Variants in CA10 observed in about 807,000 individuals in gnomAD.
The protein encoded by CA10 is carbonic anhydrase 10 (inactive).
In CA10, 14 loss-of-function variants were observed where a neutral mutation model predicts 44.2. The ratio of observed to expected loss-of-function variants is 0.32; its 90% confidence interval spans 0.21 to 0.50. CA10 has a LOEUF of 0.50. Among genes scored for constraint, CA10 ranks in the 20% least tolerant of loss-of-function variants. The pLI is 0.99. For missense variants in CA10, 350 were observed against 409.7 expected (o/e 0.85, Z 1.26); for synonymous variants, 159 against 141.6 (o/e 1.12, Z -0.87).
chr17:51,944,561 C>T (rs555070347), intron 2 of CA10, among the ~76,000 whole-genome samples: 112 of 152,116 alleles, frequency 7.4e-4, no homozygotes, highest in Non-Finnish European at 1.3e-3. Flanking sequence ...AATAGGGGAA[C>T]GGTTTAGTAA....
intron 2 of CA10, among the ~76,000 whole-genome samples, chr17:51,945,872 T>G (rs1983254551): frequency 6.6e-6 from 1 of 151,990 alleles, no homozygotes; most frequent in Non-Finnish European, 1.5e-5. Context: ...GTACTTACGA[T>G]CAGATATAAA....
intron 3 of CA10, among the ~76,000 whole-genome samples, chr17:51,773,954 C>A (rs1009881034): frequency 6.6e-6 from 1 of 152,176 alleles, no homozygotes; most frequent in African/African-American, 2.4e-5. Flanking sequence ...GAAACACACA[C>A]CTGTATTATT....
At chr17:51,928,879 T>C (rs1047602768) in intron 3 of CA10, among the ~76,000 whole-genome samples, 6 of 152,168 alleles carry the variant, frequency 3.9e-5, no homozygotes. Context: ...CATTACCAAT[T>C]AGTTTATCAC....
intron 2 of CA10, among the ~76,000 whole-genome samples, chr17:52,000,505 G>C (rs1985385516): frequency 6.6e-6 from 1 of 152,010 alleles, no homozygotes; most frequent in African/African-American, 2.4e-5. Flanking sequence ...CTTTACTTTT[G>C]TATGTCTCTT....
chr17:51,778,878 G>A (rs1905932361), intron 3 of CA10, among the ~76,000 whole-genome samples: 1 of 152,184 alleles, frequency 6.6e-6, no homozygotes, highest in African/African-American at 2.4e-5. Context: ...AAACTGCTGA[G>A]GAAATAGAAA....
At chr17:52,013,209 G>T (rs1158775562) in intron 2 of CA10, among the ~76,000 whole-genome samples, 1 of 151,804 alleles carries the variant, frequency 6.6e-6, no homozygotes. Context: ...AGAAACAACA[G>T]GAGGAAATAA....
At chr17:52,143,755 C>A (rs1187159075) in intron 1 of CA10, among the ~76,000 whole-genome samples, 2 of 152,050 alleles carry the variant, frequency 1.3e-5, no homozygotes, top group African/African-American at 4.8e-5. Context: ...CACAGCAGGC[C>A]ATTAATCTCT....
At chr17:51,947,224 CA>C (rs1198796736) in intron 2 of CA10, among the ~76,000 whole-genome samples, 1,507 of 52,122 alleles carry the variant, frequency 0.029, 6 homozygotes, top group African/African-American at 0.098. Context: ...TCTTCATGTG[CA>C]AAAAAAAAAA....
At chr17:51,909,091 T>C (rs190755466) in intron 3 of CA10, among the ~76,000 whole-genome samples, 1 of 152,270 alleles carries the variant, frequency 6.6e-6, no homozygotes, top group African/African-American at 2.4e-5. Flanking sequence ...CACATGATAT[T>C]TCAAAGCAGC....
In CA10 at chr17:51,925,408, G is replaced by T. The variant is rs572606049; in HGVS notation, c.279+5582C>A. Reference sequence around the variant, plus strand: ...AGATCACTTCACAACCATTAGGATGGCTATTTCAAAATAAATAACAAAAAA... The same window carrying T: ...AGATCACTTCACAACCATTAGGATGTCTATTTCAAAATAAATAACAAAAAA... On this transcript the variant is annotated intron_variant, in intron 3 of 8. Transcript: ENST00000451037. Among the ~76,000 whole-genome samples, 5 of 151,432 alleles carry T rather than the reference G, an allele frequency of 3.3e-5. No individual in the cohort carries two copies. The South Asian group carries it at 1.0e-3, about 32-fold the overall frequency.
Position 52,022,502 on chromosome 17 carries a change from G to A in CA10, c.136+49817C>T, listed in dbSNP as rs115698244. 9.1e-3 allele frequency among the ~76,000 whole-genome samples: 1,392 copies of A among 152,132 alleles called. 21 individuals carry two copies. Among genetic ancestry groups the A allele is most frequent in the African/African-American group, 0.032 (1,319 of 41,556 alleles). ...ACAAACCCACAGCCAACACCATAAT[G>A]AGTGGGTGAAAGCTAGAACAATTCC... On this transcript the variant is annotated intron_variant, in intron 2 of 8. Coordinates refer to ENST00000451037, the MANE Select transcript of CA10 (RefSeq NM_020178.5).
intron 6 of CA10, among the ~76,000 whole-genome samples, chr17:51,644,614 T>C (rs1913242040): frequency 6.6e-6 from 1 of 152,056 alleles, no homozygotes; most frequent in African/African-American, 2.4e-5. Flanking sequence ...AAGCTGAACA[T>C]GTTCAAAATT....
chr17:51,696,165 G>C (rs1230102164), intron 4 of CA10, among the ~76,000 whole-genome samples: 1 of 152,106 alleles, frequency 6.6e-6, no homozygotes, highest in Non-Finnish European at 1.5e-5. Context: ...TTGGTGTCAG[G>C]GTGATGCTGG....
At chr17:51,640,915 G>T (rs564206926) in intron 6 of CA10, among the ~76,000 whole-genome samples, 1 of 152,160 alleles carries the variant, frequency 6.6e-6, no homozygotes, top group African/African-American at 2.4e-5. Flanking sequence ...AACTTCCAAG[G>T]CTCTATTCAT....
At chr17:51,678,972 T>C (rs993000441) in intron 4 of CA10, among the ~76,000 whole-genome samples, 1 of 152,220 alleles carries the variant, frequency 6.6e-6, no homozygotes, top group African/African-American at 2.4e-5. Flanking sequence ...AAGGATTGAC[T>C]GTAGACTTAA....
chr17:51,788,533 C>G (rs1016864431), intron 3 of CA10, among the ~76,000 whole-genome samples: 1 of 152,144 alleles, frequency 6.6e-6, no homozygotes, highest in Non-Finnish European at 1.5e-5. Flanking sequence ...GGTGGATATC[C>G]TAATTACCCT....
intron 1 of CA10, among the ~76,000 whole-genome samples, chr17:52,129,415 A>C (rs1249618282): frequency 2.0e-5 from 3 of 152,164 alleles, no homozygotes; most frequent in African/African-American, 7.2e-5. Context: ...TTTAATCTTC[A>C]CAAGAACACT....
chr17:51,719,933 A>G (rs1429195498), intron 4 of CA10, among the ~76,000 whole-genome samples: 1 of 152,176 alleles, frequency 6.6e-6, no homozygotes, highest in African/African-American at 2.4e-5. Context: ...TAAGGAGGCA[A>G]TGAAGTGGGC....
At chr17:51,978,435 A>G (rs1236541480) in intron 2 of CA10, among the ~76,000 whole-genome samples, 1 of 151,454 alleles carries the variant, frequency 6.6e-6, no homozygotes, top group Non-Finnish European at 1.5e-5. Context: ...CAAAGGTACC[A>G]AAGCAATACA....
Sources: gnomAD v4.1 joint callset for allele counts (sites outside exome capture counted in the v4.1 genomes callset) on GRCh38, gnomAD v4.1.1 for gene constraint, MANE v1.5 for transcripts, NCBI Gene and HGNC (gene_info 2026-07-23, HGNC 2026-07-21) for gene names.